Variants in CPA6 observed in about 807,000 individuals in gnomAD.
CPA6 encodes carboxypeptidase A6, also known as carboxypeptidase B.
In CPA6, 58 loss-of-function variants were observed where a neutral mutation model predicts 63.3. The observed-to-expected ratio is 0.92, with a 90% CI of 0.74 to 1.14. The LOEUF (loss-of-function observed/expected upper bound fraction) is 1.14. CPA6 is among the 50% of genes most tolerant of loss of function. The pLI is 0.00. For missense variants in CPA6, 565 were observed against 526.6 expected (o/e 1.07, Z -0.71); for synonymous variants, 185 against 179.0 (o/e 1.03, Z -0.27).
intron 2 of CPA6, among the ~76,000 whole-genome samples, chr8:67,580,945 G>A (rs1813755162): frequency 6.6e-6 from 1 of 152,160 alleles, no homozygotes; most frequent in Admixed American, 6.6e-5. Flanking sequence ...GCCAGGTACA[G>A]TTTCAGTATA....
At chr8:67,537,024 C>T (rs1229154744) in intron 2 of CPA6, among the ~76,000 whole-genome samples, 1 of 152,186 alleles carries the variant, frequency 6.6e-6, no homozygotes, top group Non-Finnish European at 1.5e-5. Context: ...TTAAACCAGA[C>T]TTGCATCCCA....
intron 1 of CPA6, among the ~76,000 whole-genome samples, chr8:67,739,200 G>C (rs1817868833): frequency 6.6e-6 from 1 of 152,182 alleles, no homozygotes; most frequent in Non-Finnish European, 1.5e-5. Flanking sequence ...CTGCCTGTGA[G>C]TTTGGTTCAG....
intron 1 of CPA6, among the ~76,000 whole-genome samples, chr8:67,705,684 C>A (rs1563400965): frequency 6.6e-6 from 1 of 152,150 alleles, no homozygotes; most frequent in Non-Finnish European, 1.5e-5. Context: ...GGGAAAGCTA[C>A]CTAAATCTTT....
chr8:67,707,338 A>G (rs1426412436), intron 1 of CPA6, among the ~76,000 whole-genome samples: 1 of 152,186 alleles, frequency 6.6e-6, no homozygotes, highest in Non-Finnish European at 1.5e-5. Context: ...TTTTGCTTAA[A>G]ACCTTGCTGA....
intron 2 of CPA6, among the ~76,000 whole-genome samples, chr8:67,560,144 T>G (rs1813170521): frequency 7.2e-6 from 1 of 139,218 alleles, no homozygotes; most frequent in Non-Finnish European, 1.6e-5. Flanking sequence ...TGGTATCACA[T>G]CTTCTTGTAT....
intron 1 of CPA6, among the ~76,000 whole-genome samples, chr8:67,709,940 G>A (rs539131515): frequency 1.5e-4 from 23 of 151,952 alleles, no homozygotes; most frequent in African/African-American, 4.3e-4. Context: ...GTGAAACCCC[G>A]TCTCTACTAA....
At chr8:67,552,160 C>CTATTAAA (rs1350387647) in intron 2 of CPA6, among the ~76,000 whole-genome samples, 11 of 152,124 alleles carry the variant, frequency 7.2e-5, no homozygotes, top group Non-Finnish European at 1.5e-4. Context: ...CCCTTGCCTC[C>CTATTAAA]CACCTATTAA....
chr8:67,433,355 C>T (rs894751858), intron 9 of CPA6, among the ~76,000 whole-genome samples: 4 of 152,116 alleles, frequency 2.6e-5, no homozygotes, highest in East Asian at 1.9e-4. Context: ...GGCTCTGAAA[C>T]GACTCACTTC....
intron 6 of CPA6, among the ~76,000 whole-genome samples, chr8:67,490,463 G>C (rs921891661): frequency 6.6e-6 from 1 of 152,066 alleles, no homozygotes; most frequent in Non-Finnish European, 1.5e-5. Context: ...TGCACCACAC[G>C]CCTCAGTGTG....
At chr8:67,610,070 C>CA (rs1340191148) in intron 2 of CPA6, among the ~76,000 whole-genome samples, 4 of 150,796 alleles carry the variant, frequency 2.7e-5, no homozygotes, top group Non-Finnish European at 5.9e-5. Flanking sequence ...AAAAACCCCC[C>CA]AAAAACCAAA....
At chr8:67,438,078 T>C (rs1810202952) in intron 8 of CPA6, among the ~76,000 whole-genome samples, 1 of 152,082 alleles carries the variant, frequency 6.6e-6, no homozygotes, top group African/African-American at 2.4e-5. Context: ...CCACCACACC[T>C]GGCTAGTTTT....
At chr8:67,699,553 G>T (rs779096140) in intron 1 of CPA6, among the ~76,000 whole-genome samples, 5 of 151,588 alleles carry the variant, frequency 3.3e-5, no homozygotes, top group Non-Finnish European at 7.4e-5. Flanking sequence ...AAGTAAACTT[G>T]TGACCTAAAA....
intron 2 of CPA6, among the ~76,000 whole-genome samples, chr8:67,612,909 C>T (rs1408498701): frequency 2.0e-5 from 3 of 152,136 alleles, no homozygotes; most frequent in Admixed American, 6.6e-5. Context: ...ACAAAAACCA[C>T]AAATTGACTC....
intron 8 of CPA6, among the ~76,000 whole-genome samples, chr8:67,466,239 T>C (rs1338979796): frequency 2.0e-5 from 3 of 152,154 alleles, no homozygotes; most frequent in Non-Finnish European, 2.9e-5. Context: ...TTCTAGTTTG[T>C]GTGCATAGAG....
intron 8 of CPA6, among the ~76,000 whole-genome samples, chr8:67,482,237 G>A (rs762771947): frequency 6.6e-6 from 1 of 152,222 alleles, no homozygotes; most frequent in Non-Finnish European, 1.5e-5. Context: ...CCCATCCAGA[G>A]CACTCATGCA....
intron 2 of CPA6, among the ~76,000 whole-genome samples, chr8:67,605,364 C>T: frequency 6.6e-6 from 1 of 152,154 alleles, no homozygotes; most frequent in East Asian, 1.9e-4. Flanking sequence ...CCAAAATTTG[C>T]AGATGCTCAA....
At chr8:67,592,621 T>A (rs1049451880) in intron 2 of CPA6, among the ~76,000 whole-genome samples, 21 of 151,690 alleles carry the variant, frequency 1.4e-4, no homozygotes, top group African/African-American at 5.1e-4. Context: ...CTTGGGAGAG[T>A]GTATGTGTCG....
intron 1 of CPA6, among the ~76,000 whole-genome samples, chr8:67,648,285 C>A: frequency 9.1e-6 from 1 of 110,294 alleles, no homozygotes; most frequent in African/African-American, 3.8e-5. Flanking sequence ...TTTTGCTAGA[C>A]CTTCTCTTTT....
intron 2 of CPA6, among the ~76,000 whole-genome samples, chr8:67,521,354 T>C (rs1010313411): frequency 2.6e-5 from 4 of 152,250 alleles, no homozygotes; most frequent in African/African-American, 9.6e-5. Flanking sequence ...TCTGGCAGCA[T>C]TGGCTATTTG....
Sources: allele counts gnomAD v4.1 joint callset (sites outside exome capture counted in the v4.1 genomes callset), GRCh38; gene constraint gnomAD v4.1.1; transcripts MANE v1.5; gene names NCBI Gene and HGNC (gene_info 2026-07-23, HGNC 2026-07-21).